Variants in LRBA observed in about 807,000 individuals in gnomAD.
LRBA encodes lipopolysaccharide-responsive and beige-like anchor protein.
Under a neutral mutation model 330.0 loss-of-function variants are expected in LRBA, and 176 were observed. The observed-to-expected ratio is 0.53, with a 90% CI of 0.47 to 0.60. LRBA has a LOEUF of 0.60. Among genes scored for constraint, LRBA ranks in the 20% least tolerant of loss-of-function variants. The pLI is 0.00. For missense variants in LRBA, 3,259 were observed against 3,444.8 expected, an observed-to-expected ratio of 0.95 and a Z score of 1.35; for synonymous variants, 1,230 against 1,193.0, an observed-to-expected ratio of 1.03 and a Z score of -0.64.
intron 17 of LRBA, among the ~76,000 whole-genome samples, chr4:150,880,356 C>T (rs1045757531): frequency 6.6e-6 from 1 of 151,920 alleles, no homozygotes; most frequent in African/African-American, 2.4e-5. Context: ...TCTGTCTCTA[C>T]AAAAAACGCA....
chr4:150,325,862 G>T lies in LRBA; in HGVS notation c.7399C>A (p.Pro2467Thr). ...EAQIRSFGQT[P>T]SQLLIEPHPP... ...TGGGGCTCTATGAGTAGTTGAGAAG[G>T]AGTCTGTCCAAAACTTCGGATTTGA... is the stretch of plus-strand genomic sequence containing the variant. The change falls in exon 49 of 57, where the codon CCT becomes ACT. Residue 2467 changes from proline (P) to threonine (T), a missense_variant. Transcript: ENST00000651943. The T allele has an allele frequency of 6.2e-7, 1 of 1,613,512 alleles. No individual in the cohort carries two copies. Among genetic ancestry groups the T allele is most frequent in the Non-Finnish European group, 8.5e-7 (1 of 1,179,678 alleles).
chr4:150,954,346 G>A (rs1737283242), intron 2 of LRBA, among the ~76,000 whole-genome samples: 1 of 152,216 alleles, frequency 6.6e-6, no homozygotes, highest in Non-Finnish European at 1.5e-5. Flanking sequence ...GTGGGGAAAA[G>A]AAAGAGGGAT....
intron 34 of LRBA, among the ~76,000 whole-genome samples, chr4:150,775,452 AAC>A (rs200525703): frequency 0.086 from 2,913 of 33,834 alleles, 40 homozygotes; most frequent in South Asian, 0.27. Flanking sequence ...TCTGCAATGG[AAC>A]ACACACACAC....
At chr4:150,562,821 T>C (rs1438662417) in intron 40 of LRBA, among the ~76,000 whole-genome samples, 2 of 149,954 alleles carry the variant, frequency 1.3e-5, no homozygotes, top group African/African-American at 2.4e-5. Flanking sequence ...TTTTTTTTAA[T>C]AGGGGTCTTG....
intron 40 of LRBA, 76 bp downstream of exon 40, chr4:150,587,971 AT>A: frequency 1.4e-6 from 2 of 1,458,688 alleles, no homozygotes; most frequent in African/African-American, 1.4e-5. Context: ...AGCCTGTCAG[AT>A]TTACCAATCC....
chr4:150,949,094 T>C (rs1385745106), intron 2 of LRBA, among the ~76,000 whole-genome samples: 1 of 151,834 alleles, frequency 6.6e-6, no homozygotes, highest in Non-Finnish European at 1.5e-5. Flanking sequence ...ACTCCTGCCA[T>C]TTTTCCCAAA....
chr4:150,353,587 T>C (rs528742926), intron 47 of LRBA, among the ~76,000 whole-genome samples: 1 of 152,282 alleles, frequency 6.6e-6, no homozygotes, highest in African/African-American at 2.4e-5. Flanking sequence ...GTAAAGTTGG[T>C]TAGATTTCGA....
intron 2 of LRBA, among the ~76,000 whole-genome samples, chr4:151,008,966 T>G (rs1744449258): frequency 4.3e-4 from 1 of 2,320 alleles, no homozygotes; most frequent in Non-Finnish European, 4.1e-3. Flanking sequence ...TGAGACTCCA[T>G]CTCAAAAAAA....
At chr4:150,362,027 C>G (rs2151844506) in intron 47 of LRBA, among the ~76,000 whole-genome samples, 1 of 152,282 alleles carries the variant, frequency 6.6e-6, no homozygotes, top group African/African-American at 2.4e-5. Flanking sequence ...CCGCCTCGGC[C>G]TCCCAAAGTG....
chr4:150,528,223 T>G (rs1381405298), intron 40 of LRBA, among the ~76,000 whole-genome samples: 1 of 151,964 alleles, frequency 6.6e-6, no homozygotes, highest in African/African-American at 2.4e-5. Context: ...AGAAATATGA[T>G]GATAAAGAAT....
At chr4:150,430,498 G>A (rs1750235593) in intron 46 of LRBA, among the ~76,000 whole-genome samples, 1 of 152,088 alleles carries the variant, frequency 6.6e-6, no homozygotes, top group Non-Finnish European at 1.5e-5. Flanking sequence ...AGGGGCATGA[G>A]CCTACTGTAC....
intron 34 of LRBA, among the ~76,000 whole-genome samples, chr4:150,775,805 GAAAAAAAA>G (rs35161747): frequency 1.7e-5 from 1 of 59,966 alleles, no homozygotes; most frequent in Non-Finnish European, 3.2e-5. Flanking sequence ...AAGAAAGAAT[GAAAAAAAA>G]AAAAAAAAAA....
chr4:150,697,339 A>AAAAAG (rs1784731850), intron 36 of LRBA, among the ~76,000 whole-genome samples: 1 of 148,660 alleles, frequency 6.7e-6, no homozygotes, highest in Non-Finnish European at 1.5e-5. Context: ...AAAAAAAAAA[A>AAAAAG]AAAAAAAAAA....
At chr4:150,521,828 G>A (rs1383050283) in intron 40 of LRBA, among the ~76,000 whole-genome samples, 1 of 152,166 alleles carries the variant, frequency 6.6e-6, no homozygotes. Context: ...AGTTAAAGGT[G>A]ATGTATCAAT....
At chr4:150,649,282 T>C (rs1435644284) in intron 37 of LRBA, among the ~76,000 whole-genome samples, 2 of 152,170 alleles carry the variant, frequency 1.3e-5, no homozygotes, top group African/African-American at 4.8e-5. Flanking sequence ...CCAAATATCT[T>C]GGCCCCAATA....
At chr4:150,323,105 C>T (rs1389454240) in intron 49 of LRBA, among the ~76,000 whole-genome samples, 2 of 151,132 alleles carry the variant, frequency 1.3e-5, no homozygotes, top group Non-Finnish European at 2.9e-5. Context: ...ATTTTTAAAA[C>T]CCTAGTATCA....
chr4:150,960,405 T>C (rs1055989054), intron 2 of LRBA, among the ~76,000 whole-genome samples: 4 of 149,020 alleles, frequency 2.7e-5, no homozygotes, highest in South Asian at 4.2e-4. Flanking sequence ...ATCCAGACCA[T>C]GGGAAATGCT....
intron 15 of LRBA, among the ~76,000 whole-genome samples, chr4:150,897,304 T>C (rs530681596): frequency 6.6e-6 from 1 of 151,976 alleles, no homozygotes; most frequent in African/African-American, 2.4e-5. Flanking sequence ...TTACCTGTAA[T>C]AGAATGAAAA....
intron 44 of LRBA, among the ~76,000 whole-genome samples, chr4:150,439,277 A>G (rs13101457): frequency 6.6e-6 from 1 of 152,158 alleles, no homozygotes; most frequent in Non-Finnish European, 1.5e-5. Context: ...ATCAATAGTT[A>G]TAGAATCACG....
Sources: allele counts gnomAD v4.1 joint callset (sites outside exome capture counted in the v4.1 genomes callset), GRCh38; gene constraint gnomAD v4.1.1; transcripts MANE v1.5; gene names NCBI Gene and HGNC (gene_info 2026-07-23, HGNC 2026-07-21).